The following CRYZL1 variants were observed in gnomAD, a reference collection of about 807,000 sequenced individuals.
The protein encoded by CRYZL1 is crystallin zeta like 1, also known as ferry endosomal RAB5 effector complex subunit 4.
Under a neutral mutation model 50.6 loss-of-function variants are expected in CRYZL1, and 34 were observed. That is an observed-to-expected ratio of 0.67 (90% CI 0.51 to 0.89). The LOEUF (loss-of-function observed/expected upper bound fraction) is 0.89, where lower values mean the gene tolerates loss of function less well. Among genes scored for constraint, CRYZL1 ranks in the 40% least tolerant of loss-of-function variants. The pLI, the probability that CRYZL1 is intolerant of heterozygous loss-of-function variation, is 0.00. For missense variants in CRYZL1, 354 were observed against 402.3 expected (o/e 0.88, Z 1.03); for synonymous variants, 125 against 134.3 (o/e 0.93, Z 0.48).
At chr21:33,628,060 C>T (rs1231357644) in intron 2 of CRYZL1, among the ~76,000 whole-genome samples, 2 of 152,150 alleles carry the variant, frequency 1.3e-5, no homozygotes. Context: ...AAGGTCTTTT[C>T]TGAAACATGG....
At chr21:33,630,163 C>G (rs1247140402) in intron 2 of CRYZL1, among the ~76,000 whole-genome samples, 1 of 152,032 alleles carries the variant, frequency 6.6e-6, no homozygotes, top group Non-Finnish European at 1.5e-5. Flanking sequence ...TGGCTATTAT[C>G]AAAAAGACAA....
intron 4 of CRYZL1, among the ~76,000 whole-genome samples, chr21:33,619,332 C>A (rs2086969388): frequency 6.6e-6 from 1 of 152,184 alleles, no homozygotes; most frequent in African/African-American, 2.4e-5. Flanking sequence ...TACAACCCAA[C>A]CAGTCCTCTT....
chr21:33,616,879 C>T, intron 4 of CRYZL1, 129 bp from the exon 5 acceptor site: 4 of 767,842 alleles, frequency 5.2e-6, no homozygotes, highest in Non-Finnish European at 5.9e-6. Flanking sequence ...GAAAAAAGGA[C>T]CAAAATGTCA....
intron 2 of CRYZL1, among the ~76,000 whole-genome samples, chr21:33,628,303 T>A (rs1190538629): frequency 2.0e-5 from 3 of 152,216 alleles, no homozygotes; most frequent in Non-Finnish European, 4.4e-5. Flanking sequence ...CAGAGTCTTT[T>A]GTGGTTCCAT....
Position 33,591,186 on chromosome 21 carries a change from T to C in CRYZL1, c.926A>G (p.Glu309Gly). The C allele has an allele frequency of 1.2e-6, 2 of 1,610,422 alleles. No individual in the cohort carries two copies. Among genetic ancestry groups the C allele is most frequent in the Non-Finnish European group, 1.7e-6 (2 of 1,176,646 alleles). Residue 309 changes from glutamate (E) to glycine (G), a missense_variant, in exon 12 of 13, where the codon GAG becomes GGG. Glu to Gly is a moderately conservative substitution (Grantham distance 98). Transcript: ENST00000381554. ...CCTGAAAACACCAGTTGATAACTTC[T>C]CCATCACATCCTTTAAGATACGTAG... The part of the protein sequence containing the change: ...KYLCILKDVM[E>G]KLSTGVFRPQ...
chr21:33,616,886 G>T, intron 4 of CRYZL1, 136 bp from the exon 5 acceptor site: 1 of 697,624 alleles, frequency 1.4e-6, no homozygotes, highest in Non-Finnish European at 2.2e-6. Flanking sequence ...GGACCAAAAT[G>T]TCAATAACAT....
chr21:33,621,208 G>T (rs1009404167), intron 4 of CRYZL1, among the ~76,000 whole-genome samples: 1 of 150,142 alleles, frequency 6.7e-6, no homozygotes, highest in Non-Finnish European at 1.5e-5. Context: ...CCCGGCCGGG[G>T]TGTCCAATCT....
intron 4 of CRYZL1, among the ~76,000 whole-genome samples, chr21:33,620,911 T>A: frequency 1.1e-5 from 1 of 89,752 alleles, no homozygotes; most frequent in Admixed American, 9.8e-5. Context: ...TCTTTTTTTT[T>A]TTTTTTTTTT....
At chr21:33,598,310 C>G (rs2086716213) in intron 9 of CRYZL1, among the ~76,000 whole-genome samples, 1 of 152,156 alleles carries the variant, frequency 6.6e-6, no homozygotes, top group Non-Finnish European at 1.5e-5. Context: ...ATTTTCAAAT[C>G]TTAGAAAATA....
chr21:33,622,156 A>G (rs1033359063), intron 3 of CRYZL1, 88 bp from the exon 4 acceptor site: 2 of 1,034,794 alleles, frequency 1.9e-6, no homozygotes, highest in Non-Finnish European at 2.9e-6. Flanking sequence ...GTAAAAGTCA[A>G]ATCACAGAAA....
chr21:33,620,612 A>G (rs1287049550), intron 4 of CRYZL1, among the ~76,000 whole-genome samples: 1 of 151,578 alleles, frequency 6.6e-6, no homozygotes, highest in Non-Finnish European at 1.5e-5. Flanking sequence ...GGAGTTCGAG[A>G]CCAGCCTGGC....
intron 4 of CRYZL1, among the ~76,000 whole-genome samples, chr21:33,618,725 C>T (rs1391477425): frequency 5.3e-5 from 8 of 152,158 alleles, no homozygotes; most frequent in Non-Finnish European, 1.0e-4. Flanking sequence ...GTGCCATCAT[C>T]CCCCAATCCT....
chr21:33,595,035 G>A, intron 11 of CRYZL1: 1 of 305,944 alleles, frequency 3.3e-6, no homozygotes, highest in East Asian at 1.5e-4. Context: ...TTTACCAAGT[G>A]CTGCTGCCTC....
In CRYZL1 at chr21:33,624,862, A is replaced by G. The variant is rs112930012; in HGVS notation, c.67-102T>C. 11 of 1,435,480 alleles carry G rather than the reference A, an allele frequency of 7.7e-6. No homozygotes were observed. The East Asian group carries it at 2.5e-4, about 33-fold the overall frequency. The allele number at this position is 1,435,480 out of a possible 1,614,324, so 88.9% of individuals were successfully genotyped here. On this transcript the variant is annotated intron_variant, in intron 2 of 12. Transcript: ENST00000381554. ...TTTACATGTAATTAAACAAAATTAG[A>G]CAGACCCTAAATCTCACAGCTAATT...
At chr21:33,614,716 C>T (rs1369173727) in intron 5 of CRYZL1, among the ~76,000 whole-genome samples, 2 of 152,038 alleles carry the variant, frequency 1.3e-5, no homozygotes, top group African/African-American at 2.4e-5. Flanking sequence ...GGATTACAGG[C>T]GTGCACCACC....
chr21:33,610,324 T>G (rs973144858), intron 6 of CRYZL1, among the ~76,000 whole-genome samples: 1 of 152,052 alleles, frequency 6.6e-6, no homozygotes, highest in African/African-American at 2.4e-5. Context: ...CACAGCTGGC[T>G]AATTTTTTAT....
chr21:33,595,246 A>C lies in CRYZL1; in HGVS notation c.904+485T>G, dbSNP rs984963408. ...AAGTCAAACCTATCTTCATTTGATA[A>C]AGATTTCCTAGCATTGATATTTATA... On this transcript the variant is annotated intron_variant, in intron 11 of 12. Coordinates refer to ENST00000381554, the MANE Select transcript of CRYZL1 (RefSeq NM_145858.3). 11 of 993,680 alleles carry C rather than the reference A, an allele frequency of 1.1e-5. No homozygotes were observed. In the African/African-American group the frequency reaches 1.4e-4, roughly 12 times the overall value. The allele number at this position is 993,680 out of a possible 1,614,324, so 61.6% of individuals were successfully genotyped here.
At chr21:33,603,195 A>T (rs2086773979) in intron 7 of CRYZL1, 1 of 524,558 alleles carries the variant, frequency 1.9e-6, no homozygotes, top group South Asian at 3.1e-5. Flanking sequence ...ATGTACCAGC[A>T]GATTCAAAGT....
intron 5 of CRYZL1, among the ~76,000 whole-genome samples, chr21:33,614,334 T>C (rs1298383794): frequency 6.6e-6 from 1 of 151,288 alleles, no homozygotes; most frequent in East Asian, 2.0e-4. Flanking sequence ...AAGAAAAATT[T>C]AAAGATTAGT....
Sources: allele counts gnomAD v4.1 joint callset (sites outside exome capture counted in the v4.1 genomes callset), GRCh38; gene constraint gnomAD v4.1.1; transcripts MANE v1.5; gene names NCBI Gene and HGNC (gene_info 2026-07-23, HGNC 2026-07-21).